The following MBD5 variants were observed in gnomAD, a reference collection of about 807,000 sequenced individuals.
MBD5 encodes methyl-CpG-binding domain protein 5.
MBD5 carries 13 observed loss-of-function variants against 117.3 expected under a neutral mutation model. The observed-to-expected ratio is 0.11, with a 90% CI of 0.07 to 0.18. The LOEUF (loss-of-function observed/expected upper bound fraction) is 0.18. Ranked by LOEUF, MBD5 falls within the 10% of genes least tolerant of loss-of-function variation. The pLI, the probability that MBD5 is intolerant of heterozygous loss-of-function variation, is 1.00. For synonymous variants in MBD5, 727 were observed against 766.4 expected, an observed-to-expected ratio of 0.95 and a Z score of 0.85; for missense variants, 1,879 against 2,093.8, an observed-to-expected ratio of 0.90 and a Z score of 2.00.
intron 1 of MBD5, among the ~76,000 whole-genome samples, chr2:148,173,440 G>A (rs758513682): frequency 1.3e-5 from 2 of 152,184 alleles, no homozygotes; most frequent in Non-Finnish European, 2.9e-5. Context: ...TCACACACCC[G>A]TTGCCACTCC....
chr2:148,151,810 C>T (rs371475832), intron 1 of MBD5, among the ~76,000 whole-genome samples: 1,825 of 151,556 alleles, frequency 0.012, 42 homozygotes, highest in African/African-American at 0.041. Flanking sequence ...TTTTTTATTG[C>T]GTCTATTTGA....
chr2:148,452,253 T>C (rs1219392306), intron 4 of MBD5, among the ~76,000 whole-genome samples: 1 of 152,166 alleles, frequency 6.6e-6, no homozygotes, highest in East Asian at 1.9e-4. Flanking sequence ...CCTAGCACTT[T>C]GGAAGGCCAA....
chr2:148,393,022 G>A (rs980229489), intron 4 of MBD5, among the ~76,000 whole-genome samples: 1 of 152,056 alleles, frequency 6.6e-6, no homozygotes, highest in African/African-American at 2.4e-5. Flanking sequence ...TCTGCTAGAG[G>A]TTACAGTATA....
chr2:148,215,897 C>CA (rs1320231169), intron 2 of MBD5, among the ~76,000 whole-genome samples: 1 of 151,910 alleles, frequency 6.6e-6, no homozygotes, highest in Admixed American at 6.6e-5. Context: ...CTATAAATTG[C>CA]AAAACTACTT....
At chr2:148,073,955 T>A (rs1241424099) in intron 1 of MBD5, among the ~76,000 whole-genome samples, 1 of 152,200 alleles carries the variant, frequency 6.6e-6, no homozygotes, top group African/African-American at 2.4e-5. Context: ...TACATAAAAT[T>A]GTTGCCCCTG....
chr2:148,389,147 A>G (rs1025672813), intron 4 of MBD5, among the ~76,000 whole-genome samples: 1 of 148,514 alleles, frequency 6.7e-6, no homozygotes, highest in African/African-American at 2.5e-5. Flanking sequence ...GCTGCAAAGG[A>G]CATAATTTCA....
At position 148,469,718 on chromosome 2, in the gene MBD5, A is replaced by T. The variant is rs778199602; in HGVS notation, c.1775A>T (p.Asn592Ile). ...GCCAAAGCACAGCTAGCAAATCAAA[A>T]CAAACTTGCTGGTAACAACAGTAGC... ...AAAKAQLANQNKLAGNNSSSS... is the reference protein window; with the variant it reads ...AAAKAQLANQIKLAGNNSSSS... The change falls in exon 8 of 14, where the codon AAC becomes ATC. Residue 592 changes from asparagine to isoleucine, a missense_variant. Physicochemically the swap from Asn to Ile is moderately radical, Grantham distance 149. This residue lies in a region of MBD5 where 1,666 missense variants were observed against 1,792.2 expected (regional missense o/e 0.93). Transcript: ENST00000642680. 6 of 1,613,868 alleles carry T rather than the reference A, an allele frequency of 3.7e-6. No individual in the cohort carries two copies. The highest frequency in any genetic ancestry group is 1.1e-5 in the South Asian group (1 of 91,070).
At chr2:148,351,672 T>G (rs1703253378) in intron 4 of MBD5, among the ~76,000 whole-genome samples, 1 of 152,056 alleles carries the variant, frequency 6.6e-6, no homozygotes, top group Non-Finnish European at 1.5e-5. Context: ...GTTGTAAGAA[T>G]AGACAAAAGA....
chr2:148,137,512 C>T (rs751216213), intron 1 of MBD5, among the ~76,000 whole-genome samples: 1 of 152,154 alleles, frequency 6.6e-6, no homozygotes, highest in Non-Finnish European at 1.5e-5. Flanking sequence ...TGTAATCCAG[C>T]ACTTTGGGAG....
chr2:148,080,309 A>G (rs1360050944), intron 1 of MBD5, among the ~76,000 whole-genome samples: 1 of 152,206 alleles, frequency 6.6e-6, no homozygotes, highest in Non-Finnish European at 1.5e-5. Flanking sequence ...GAAATTCATT[A>G]TATTTCATAT....
intron 2 of MBD5, among the ~76,000 whole-genome samples, chr2:148,230,133 A>G (rs551694634): frequency 2.0e-5 from 3 of 152,306 alleles, no homozygotes; most frequent in African/African-American, 7.2e-5. Context: ...CCTTCACTTC[A>G]GAGTGGCGGG....
chr2:148,149,033 C>T (rs1222657719), intron 1 of MBD5, among the ~76,000 whole-genome samples: 1 of 152,068 alleles, frequency 6.6e-6, no homozygotes, highest in Non-Finnish European at 1.5e-5. Context: ...TGGTGCACTG[C>T]ACCCACTAAA....
intron 1 of MBD5, among the ~76,000 whole-genome samples, chr2:148,105,235 TTGA>T (rs1696339792): frequency 6.6e-6 from 1 of 151,324 alleles, no homozygotes; most frequent in Non-Finnish European, 1.5e-5. Context: ...TTTTTTTTTT[TTGA>T]GACAGAACCT....
At chr2:148,319,887 G>A (rs987885976) in intron 3 of MBD5, among the ~76,000 whole-genome samples, 3 of 152,108 alleles carry the variant, frequency 2.0e-5, no homozygotes, top group Non-Finnish European at 4.4e-5. Context: ...GTTGGCTCTG[G>A]GACTGTCATA....
rs557378486 is a variant in MBD5 at position 148,427,507 on chromosome 2, G to A, written c.-556-30696G>A. ...CTTTGTAGGGACATGGATGAAGCTG[G>A]AAACCATCATTCTCAGCAAACTATC... is the stretch of plus-strand genomic sequence containing the variant. On this transcript the variant is annotated intron_variant, in intron 4 of 13. Transcript: ENST00000642680. Among the ~76,000 whole-genome samples, 447 of 152,250 alleles carry A rather than the reference G, an allele frequency of 2.9e-3. 1 individual carries two copies. Among genetic ancestry groups the A allele is most frequent in the African/African-American group, 0.01 (432 of 41,528 alleles).
chr2:148,023,059 C>CT (rs1216393278), intron 1 of MBD5, among the ~76,000 whole-genome samples: 1 of 150,144 alleles, frequency 6.7e-6, no homozygotes, highest in Non-Finnish European at 1.5e-5. Flanking sequence ...CACACACTCT[C>CT]TTTCGCTCGC....
chr2:148,134,611 T>C (rs1195441300), intron 1 of MBD5, among the ~76,000 whole-genome samples: 1 of 152,202 alleles, frequency 6.6e-6, no homozygotes, highest in East Asian at 1.9e-4. Flanking sequence ...TATTCCATTC[T>C]TCCCCCCAAA....
intron 1 of MBD5, among the ~76,000 whole-genome samples, chr2:148,035,557 C>T (rs1694172504): frequency 6.6e-6 from 1 of 152,144 alleles, no homozygotes; most frequent in East Asian, 1.9e-4. Flanking sequence ...TGAATAAATG[C>T]TCCCCAACTT....
intron 1 of MBD5, among the ~76,000 whole-genome samples, chr2:148,048,623 A>G (rs1267282508): frequency 2.6e-5 from 4 of 152,160 alleles, no homozygotes; most frequent in African/African-American, 9.7e-5. Flanking sequence ...AGTAGAGAAG[A>G]GTAAGGCTTT....
Sources: allele counts gnomAD v4.1 joint callset (sites outside exome capture counted in the v4.1 genomes callset), GRCh38; gene constraint gnomAD v4.1.1; regional missense constraint gnomAD v4.1.1; transcripts MANE v1.5; gene names NCBI Gene and HGNC (gene_info 2026-07-23, HGNC 2026-07-21).